TAOK3: variants seen among roughly 807,000 people sequenced by gnomAD.
The protein encoded by TAOK3 is serine/threonine-protein kinase TAO3.
TAOK3 carries 40 observed loss-of-function variants against 120.4 expected under a neutral mutation model. The observed-to-expected ratio is 0.33, with a 90% CI of 0.26 to 0.43. TAOK3 has a LOEUF of 0.43. Among genes scored for constraint, TAOK3 ranks in the 20% least tolerant of loss-of-function variants. The pLI, the probability that TAOK3 is intolerant of heterozygous loss-of-function variation, is 1.00. For missense variants in TAOK3, 821 were observed against 1,112.1 expected, an observed-to-expected ratio of 0.74 and a Z score of 3.72; for synonymous variants, 355 against 387.5, an observed-to-expected ratio of 0.92 and a Z score of 0.99.
intron 1 of TAOK3, among the ~76,000 whole-genome samples, chr12:118,346,445 T>G (rs1186942121): frequency 6.6e-6 from 1 of 152,226 alleles, no homozygotes; most frequent in East Asian, 1.9e-4. Context: ...TAGAACATAC[T>G]ACTAATAAAT....
At chr12:118,247,546 G>T (rs2040570793) in intron 3 of TAOK3, among the ~76,000 whole-genome samples, 1 of 151,500 alleles carries the variant, frequency 6.6e-6, no homozygotes, top group South Asian at 2.1e-4. Flanking sequence ...ACAGGATCTT[G>T]CTCTGTCATC....
intron 11 of TAOK3, 58 bp from the exon 12 acceptor site, chr12:118,201,521 G>A: frequency 2.1e-6 from 3 of 1,440,562 alleles, no homozygotes; most frequent in South Asian, 1.4e-5. Flanking sequence ...TTAGGTGCAA[G>A]GTACAGATAT....
At chr12:118,323,557 T>C (rs2043809539) in intron 1 of TAOK3, among the ~76,000 whole-genome samples, 1 of 152,086 alleles carries the variant, frequency 6.6e-6, no homozygotes, top group African/African-American at 2.4e-5. Context: ...TATAGAAAAA[T>C]GTAAACCTGT....
At position 118,242,909 on chromosome 12, in the gene TAOK3, GTGTC is replaced by G. The variant is rs991952071; in HGVS notation, c.294+502_294+505del. Among the ~76,000 whole-genome samples, 6 of 151,208 alleles carry G rather than the reference GTGTC, an allele frequency of 4.0e-5. No individual in the cohort carries two copies. In the Admixed American group the frequency reaches 4.0e-4, roughly 10 times the overall value. On this transcript the variant is annotated intron_variant, in intron 5 of 20. Transcript: ENST00000392533. ...TATATATATATATATGAGTGTGTGTGTGTCTGTGTGTGTGTGCATGTGTATATAT... is the reference window on the plus strand; with the variant it reads ...TATATATATATATATGAGTGTGTGTGTGTGTGTGTGTGCATGTGTATATAT...
intron 1 of TAOK3, among the ~76,000 whole-genome samples, chr12:118,321,999 T>G (rs188772204): frequency 2.0e-5 from 3 of 152,120 alleles, no homozygotes. Context: ...GGAAGAAAAT[T>G]ATAAAATGTC....
At chr12:118,292,534 G>T (rs947143826) in intron 1 of TAOK3, among the ~76,000 whole-genome samples, 2 of 152,162 alleles carry the variant, frequency 1.3e-5, no homozygotes, top group Admixed American at 1.3e-4. Flanking sequence ...CACTATGAAA[G>T]AGTTACTATT....
rs1347105262 is a variant in TAOK3 at position 118,254,983 on chromosome 12, C to T, written c.120+465G>A. Reference sequence around the variant, plus strand: ...TTCACCGTGTTAGCCAGGATGGTCTCGATCTCCTGACCTCGTGATCTGCCC... The same window carrying T: ...TTCACCGTGTTAGCCAGGATGGTCTTGATCTCCTGACCTCGTGATCTGCCC... On this transcript the variant is annotated intron_variant, in intron 3 of 20. Transcript: ENST00000392533. Among the ~76,000 whole-genome samples, 5 of 152,104 alleles carry T rather than the reference C, an allele frequency of 3.3e-5. No homozygotes were observed. In the South Asian group the frequency reaches 6.2e-4, roughly 19 times the overall value.
chr12:118,347,455 G>A (rs1468028248), intron 1 of TAOK3, among the ~76,000 whole-genome samples: 1 of 152,046 alleles, frequency 6.6e-6, no homozygotes, highest in East Asian at 1.9e-4. Flanking sequence ...TTTATTGAGG[G>A]GAGGAGGGGG....
chr12:118,255,769 G>A, intron 2 of TAOK3, 114 bp from the exon 3 acceptor site: 1 of 510,260 alleles, frequency 2.0e-6, no homozygotes. Context: ...ATAACAAAAG[G>A]ACAAAAAAAC....
At chr12:118,152,204 G>GA in intron 20 of TAOK3, 23 bp downstream of exon 20, 1 of 1,601,224 alleles carries the variant, frequency 6.2e-7, no homozygotes, top group South Asian at 1.1e-5. Flanking sequence ...AGTGGCACCG[G>GA]ACCCCTGGTA....
chr12:118,240,507 T>C (rs192599447), intron 5 of TAOK3, among the ~76,000 whole-genome samples: 41 of 152,010 alleles, frequency 2.7e-4, no homozygotes, highest in Admixed American at 6.6e-5. Flanking sequence ...CTCGATTTCT[T>C]TTTTTTCTTT....
chr12:118,284,306 C>T (rs1038720331), intron 1 of TAOK3, among the ~76,000 whole-genome samples: 5 of 152,052 alleles, frequency 3.3e-5, no homozygotes, highest in African/African-American at 4.8e-5. Context: ...CAACAAAGAA[C>T]GATAATCTTA....
chr12:118,254,874 C>T (rs901182501), intron 3 of TAOK3, among the ~76,000 whole-genome samples: 1 of 152,182 alleles, frequency 6.6e-6, no homozygotes, highest in Admixed American at 6.5e-5. Flanking sequence ...TCTCCTGCCT[C>T]AGCCTCCCGA....
rs377072006 is a variant in TAOK3, at chr12:118,244,527, C to CTTT, written c.192+364_192+366dup. ...AAAGAATTTTGTTAATTTCTTTTTT[C>CTTT]TTTTTCTTTTTTTTTTTTTGAGACA... On this transcript the variant is annotated intron_variant, in intron 4 of 20. Coordinates refer to ENST00000392533, the MANE Select transcript of TAOK3 (RefSeq NM_016281.4). Among the ~76,000 whole-genome samples, 329 of 129,544 alleles carry CTTT rather than the reference C, an allele frequency of 2.5e-3. 58 individuals are homozygous for CTTT. Among genetic ancestry groups the CTTT allele is most frequent in the Non-Finnish European group, 2.7e-3 (168 of 61,952 alleles). The allele number at this position is 129,544 out of a possible 152,430, so 85.0% of individuals were successfully genotyped here.
intron 14 of TAOK3, among the ~76,000 whole-genome samples, chr12:118,188,965 C>A (rs909341620): frequency 6.6e-5 from 10 of 152,136 alleles, no homozygotes; most frequent in African/African-American, 2.4e-4. Flanking sequence ...CGCACGCGCA[C>A]GCGTGGGGGC....
intron 1 of TAOK3, among the ~76,000 whole-genome samples, chr12:118,322,718 CTTTTTTTTT>C (rs199608892): frequency 1.1e-5 from 1 of 93,812 alleles, no homozygotes; most frequent in Non-Finnish European, 1.9e-5. Context: ...ATTTAAAAAC[CTTTTTTTTT>C]TTTTTTTTTT....
intron 1 of TAOK3, among the ~76,000 whole-genome samples, chr12:118,303,820 G>A (rs1166973078): frequency 6.6e-6 from 1 of 152,086 alleles, no homozygotes; most frequent in African/African-American, 2.4e-5. Flanking sequence ...GCTAATTTTT[G>A]TATTTTCAGT....
chr12:118,173,542 G>C (rs11068860), intron 16 of TAOK3, among the ~76,000 whole-genome samples: 4,888 of 152,344 alleles, frequency 0.032, 252 homozygotes, highest in East Asian at 0.23. Flanking sequence ...GTAGTGACAA[G>C]ACTGAGAGAA....
intron 1 of TAOK3, among the ~76,000 whole-genome samples, chr12:118,300,891 T>C (rs1246705707): frequency 6.6e-6 from 1 of 152,162 alleles, no homozygotes; most frequent in Non-Finnish European, 1.5e-5. Context: ...TTCTCCTGCC[T>C]CAGACTCTCA....
Sources: gnomAD v4.1 joint callset for allele counts (sites outside exome capture counted in the v4.1 genomes callset) on GRCh38, gnomAD v4.1.1 for gene constraint, MANE v1.5 for transcripts, NCBI Gene and HGNC (gene_info 2026-07-23, HGNC 2026-07-21) for gene names.